Variants in PLCL2 observed in about 807,000 individuals in gnomAD.
PLCL2 encodes the protein inactive phospholipase C-like protein 2.
In PLCL2, 4 loss-of-function variants were observed where a neutral mutation model predicts 79.6. The ratio of observed to expected loss-of-function variants is 0.05; its 90% CI spans 0.02 to 0.11. PLCL2 has a LOEUF of 0.11. PLCL2 is among the 10% of genes least tolerant of loss of function. The pLI is 1.00. For missense variants in PLCL2, 895 were observed against 1,291.0 expected (o/e 0.69, Z 4.70); for synonymous variants, 484 against 457.7 (o/e 1.06, Z -0.73).
intron 1 of PLCL2, among the ~76,000 whole-genome samples, chr3:16,973,725 C>G (rs920291843): frequency 6.6e-6 from 1 of 152,154 alleles, no homozygotes; most frequent in Non-Finnish European, 1.5e-5. Context: ...CTTTCATATA[C>G]TCATTCATTC....
chr3:16,940,363 T>C (rs1697649651), intron 1 of PLCL2, among the ~76,000 whole-genome samples: 1 of 152,230 alleles, frequency 6.6e-6, no homozygotes, highest in Non-Finnish European at 1.5e-5. Context: ...TCTCTCTCCT[T>C]ATGTCTCTTT....
At chr3:16,946,548 A>C (rs1325211210) in intron 1 of PLCL2, among the ~76,000 whole-genome samples, 2 of 152,106 alleles carry the variant, frequency 1.3e-5, no homozygotes, top group Non-Finnish European at 2.9e-5. Context: ...GGTTGGTCTG[A>C]GATTATAAGG....
chr3:17,027,595 T>G (rs1434880883), intron 3 of PLCL2, among the ~76,000 whole-genome samples: 1 of 152,196 alleles, frequency 6.6e-6, no homozygotes, highest in East Asian at 1.9e-4. Flanking sequence ...CAAAGTCACC[T>G]TTGCCAACCT....
At chr3:16,997,688 G>A (rs2064168040) in intron 1 of PLCL2, among the ~76,000 whole-genome samples, 1 of 151,942 alleles carries the variant, frequency 6.6e-6, no homozygotes, top group Non-Finnish European at 1.5e-5. Flanking sequence ...ACAGGCGCCT[G>A]CCACCAGACC....
intron 1 of PLCL2, among the ~76,000 whole-genome samples, chr3:16,963,864 C>A (rs898661029): frequency 6.6e-6 from 1 of 151,954 alleles, no homozygotes; most frequent in African/African-American, 2.4e-5. Flanking sequence ...AACTCCAAAG[C>A]CCACACTGTT....
chr3:16,942,262 G>A (rs1035853242), intron 1 of PLCL2, among the ~76,000 whole-genome samples: 1 of 152,144 alleles, frequency 6.6e-6, no homozygotes, highest in African/African-American at 2.4e-5. Context: ...ATGTGTATGT[G>A]CAGATTCTGC....
At chr3:17,071,642 T>G (rs965575297) in intron 5 of PLCL2, among the ~76,000 whole-genome samples, 5 of 152,302 alleles carry the variant, frequency 3.3e-5, no homozygotes, top group South Asian at 2.1e-4. Context: ...AAGTCATACT[T>G]TTTTTCACAC....
In PLCL2 at chr3:16,884,976, AGGCGGC is replaced by A. The variant is rs1244873893; in HGVS notation, c.-58_-53del. 5.9e-6 allele frequency: 1 copy of A among 170,580 alleles called. No individual in the cohort carries two copies. The highest frequency in any genetic ancestry group is 1.2e-5 in the Non-Finnish European group (1 of 82,866). 10.6% of individuals were successfully genotyped at this position (170,580 alleles called of 1,614,324 possible). ...AGGAGGGGCCGCGCGCGGCGGCCCG[AGGCGGC>A]GGCGGGGACGCGGGGACGCGAGGAC... On this transcript the variant is annotated 5_prime_UTR_variant, in exon 1 of 6. Transcript: ENST00000615277. The surrounding 1 kb of genome is among the most constrained non-coding windows in gnomAD (Gnocchi z 9.3).
At chr3:16,935,123 T>C (rs1422334584) in intron 1 of PLCL2, among the ~76,000 whole-genome samples, 2 of 152,204 alleles carry the variant, frequency 1.3e-5, no homozygotes, top group Non-Finnish European at 2.9e-5. Flanking sequence ...AATACATACC[T>C]TTTCTTTATT....
intron 1 of PLCL2, among the ~76,000 whole-genome samples, chr3:16,898,932 G>A (rs1470495390): frequency 1.3e-5 from 2 of 152,244 alleles, no homozygotes; most frequent in Non-Finnish European, 2.9e-5. Context: ...GGAGGGTGGA[G>A]GGGGAGGGGG....
chr3:17,013,559 C>T (rs1216934402), intron 2 of PLCL2, among the ~76,000 whole-genome samples: 5 of 152,182 alleles, frequency 3.3e-5, no homozygotes, highest in Non-Finnish European at 4.4e-5. Context: ...CTGTCAATAT[C>T]AAAGTGATTT....
intron 5 of PLCL2, among the ~76,000 whole-genome samples, chr3:17,083,326 C>T (rs1234777778): frequency 1.3e-5 from 2 of 152,114 alleles, no homozygotes; most frequent in Admixed American, 1.3e-4. Flanking sequence ...GCATTCCCTG[C>T]AGAGGGAACA....
chr3:16,911,499 C>T (rs993033174), intron 1 of PLCL2, among the ~76,000 whole-genome samples: 2 of 152,138 alleles, frequency 1.3e-5, no homozygotes, highest in African/African-American at 4.8e-5. Flanking sequence ...TCTAGGAAAT[C>T]TGAATCTAAC....
chr3:17,035,723 T>C (rs367588573), intron 3 of PLCL2: 1 of 509,900 alleles, frequency 2.0e-6, no homozygotes, highest in East Asian at 5.7e-5. Context: ...TTATATCTTA[T>C]CCAATCTGGC....
chr3:16,892,798 C>T (rs1328166570), intron 1 of PLCL2, among the ~76,000 whole-genome samples: 2 of 152,114 alleles, frequency 1.3e-5, no homozygotes, highest in African/African-American at 2.4e-5. Flanking sequence ...CATTATCATT[C>T]CCCTTACAGA....
intron 1 of PLCL2, among the ~76,000 whole-genome samples, chr3:16,993,492 A>C (rs1417629584): frequency 6.6e-6 from 1 of 152,240 alleles, no homozygotes; most frequent in Admixed American, 6.5e-5. Flanking sequence ...TAATGGACTG[A>C]AGGGTCAGCT....
At chr3:16,895,833 G>C (rs1255440216) in intron 1 of PLCL2, among the ~76,000 whole-genome samples, 3 of 152,100 alleles carry the variant, frequency 2.0e-5, no homozygotes, top group Non-Finnish European at 4.4e-5. Context: ...TAATGCTAAG[G>C]GAAATAAACC....
At chr3:16,954,266 C>A (rs4685407) in intron 1 of PLCL2, among the ~76,000 whole-genome samples, 38,190 of 151,878 alleles carry the variant, frequency 0.25, 5,396 homozygotes, top group East Asian at 0.55. Context: ...AATGAGTGAG[C>A]ACATGCGGTG....
chr3:17,052,213 C>T (rs1179198577), intron 4 of PLCL2, among the ~76,000 whole-genome samples: 3 of 112,378 alleles, frequency 2.7e-5, no homozygotes, highest in African/African-American at 1.0e-4. Flanking sequence ...TGAAAGAAAT[C>T]ATGAAATAGA....
Sources: gnomAD v4.1 joint callset for allele counts (sites outside exome capture counted in the v4.1 genomes callset) on GRCh38, gnomAD v4.1.1 for gene constraint, Gnocchi (gnomAD v3.1) non-coding constraint, MANE v1.5 for transcripts, NCBI Gene and HGNC (gene_info 2026-07-23, HGNC 2026-07-21) for gene names.